The following FRMPD4 variants were observed in gnomAD, a reference collection of about 807,000 sequenced individuals.
FRMPD4 encodes the protein FERM and PDZ domain containing 4, also known as FERM and PDZ domain-containing protein 4.
A neutral mutation model predicts 94.1 loss-of-function variants in FRMPD4; 22 were observed. The observed-to-expected ratio is 0.23, with a 90% CI of 0.17 to 0.33. The LOEUF (loss-of-function observed/expected upper bound fraction) is 0.33. Among genes scored for constraint, FRMPD4 ranks in the 10% least tolerant of loss-of-function variants. FRMPD4 has a pLI of 1.00. For missense variants in FRMPD4, 1,111 were observed against 1,339.9 expected (o/e 0.83, Z 2.67); for synonymous variants, 631 against 548.6 (o/e 1.15, Z -2.10).
At chrX:12,186,468 A>G (rs1015448150) in intron 1 of FRMPD4, among the ~76,000 whole-genome samples, 2 of 111,550 alleles carry the variant, frequency 1.8e-5, no homozygotes, top group African/African-American at 6.5e-5. Flanking sequence ...TGTTGTTTCT[A>G]TTTTACTTAT....
intron 2 of FRMPD4, among the ~76,000 whole-genome samples, chrX:11,866,597 G>A (rs1223773803): frequency 8.9e-6 from 1 of 111,792 alleles, no homozygotes; most frequent in Non-Finnish European, 1.9e-5. Flanking sequence ...GTATAGATGT[G>A]TGTCTGTATA....
In FRMPD4 at chrX:12,675,840, A is replaced by T. The variant is rs186644681; in HGVS notation, c.468+932A>T. On this transcript the variant is annotated intron_variant, in intron 5 of 16. Transcript: ENST00000675598. ...ATAGAGTTGGAGCATTTCTATATCA[A>T]TTAAAGTGCTCTGGTATTTGCTGAT... Among the ~76,000 whole-genome samples, 487 of 111,206 alleles carry T rather than the reference A, an allele frequency of 4.4e-3. 4 individuals are homozygous for T. Among genetic ancestry groups the T allele is most frequent in the African/African-American group, 0.014 (438 of 30,574 alleles).
At chrX:12,066,688 A>G (rs2054922386) in intron 3 of FRMPD4, among the ~76,000 whole-genome samples, 1 of 109,879 alleles carries the variant, frequency 9.1e-6, no homozygotes, top group Admixed American at 9.7e-5. Context: ...AGTTCCCCAA[A>G]TAATGTTTTA....
intron 1 of FRMPD4, among the ~76,000 whole-genome samples, chrX:12,350,914 G>A (rs745658976): frequency 4.4e-5 from 5 of 112,449 alleles, no homozygotes; most frequent in Non-Finnish European, 7.5e-5. Flanking sequence ...AGTGGCTCAC[G>A]CCTGTAATCC....
intron 1 of FRMPD4, among the ~76,000 whole-genome samples, chrX:11,824,983 C>T (rs2053433414): frequency 9.1e-6 from 1 of 109,613 alleles, no homozygotes; most frequent in Admixed American, 9.7e-5. Context: ...TTAAAAATAG[C>T]ACTGGGAAAC....
At chrX:12,542,319 T>C (rs1206737965) in intron 2 of FRMPD4, among the ~76,000 whole-genome samples, 1 of 112,209 alleles carries the variant, frequency 8.9e-6, no homozygotes, top group Non-Finnish European at 1.9e-5. Flanking sequence ...GCAGATTACA[T>C]GATTGTATAT....
intron 1 of FRMPD4, among the ~76,000 whole-genome samples, chrX:12,194,800 A>G (rs2897762): frequency 0.073 from 8,137 of 111,499 alleles, 901 homozygotes; most frequent in East Asian, 0.61. Flanking sequence ...CTCTATTCCT[A>G]GCTGATAGCA....
chrX:12,406,774 G>GT (rs2056671779), intron 1 of FRMPD4, among the ~76,000 whole-genome samples: 1 of 112,060 alleles, frequency 8.9e-6, no homozygotes, highest in South Asian at 3.7e-4. Flanking sequence ...CTCAAGTGTG[G>GT]TGCAAATAAG....
intron 1 of FRMPD4, among the ~76,000 whole-genome samples, chrX:12,162,916 C>T (rs1294492948): frequency 9.0e-6 from 1 of 111,718 alleles, no homozygotes; most frequent in Non-Finnish European, 1.9e-5. Flanking sequence ...CCAGCTGTTA[C>T]AGTCTTCACC....
chrX:11,956,439 G>T (rs1019418601), intron 3 of FRMPD4, among the ~76,000 whole-genome samples: 2 of 112,097 alleles, frequency 1.8e-5, no homozygotes, highest in Non-Finnish European at 3.8e-5. Context: ...CTATTCTAAT[G>T]TAAGAAAGCC....
intron 1 of FRMPD4, among the ~76,000 whole-genome samples, chrX:11,835,308 G>C (rs1251790498): frequency 8.9e-6 from 1 of 112,009 alleles, no homozygotes; most frequent in Non-Finnish European, 1.9e-5. Flanking sequence ...CTGGGAGCCT[G>C]TTACTGTCAT....
chrX:12,222,779 A>C (rs758045913), intron 1 of FRMPD4, among the ~76,000 whole-genome samples: 1 of 112,027 alleles, frequency 8.9e-6, no homozygotes, highest in Non-Finnish European at 1.9e-5. Context: ...TTCTTAGTGT[A>C]TTGTTCTTGA....
At chrX:12,517,019 T>C (rs1299262446) in intron 2 of FRMPD4, among the ~76,000 whole-genome samples, 8 of 109,157 alleles carry the variant, frequency 7.3e-5, no homozygotes, top group Admixed American at 3.0e-4. Context: ...TGTGGTTGCA[T>C]TGTGAAGTTC....
chrX:12,352,367 C>T (rs1314246789), intron 1 of FRMPD4, among the ~76,000 whole-genome samples: 2 of 112,098 alleles, frequency 1.8e-5, no homozygotes, highest in African/African-American at 3.2e-5. Context: ...CAAAATATCT[C>T]GACTCACATG....
At chrX:12,439,798 T>C (rs908699074) in intron 1 of FRMPD4, among the ~76,000 whole-genome samples, 18 of 112,023 alleles carry the variant, frequency 1.6e-4, no homozygotes, top group African/African-American at 5.8e-4. Context: ...GCATTGTTTG[T>C]TAAAATGCCG....
chrX:12,575,553 C>G (rs1424376267), intron 2 of FRMPD4, among the ~76,000 whole-genome samples: 1 of 111,117 alleles, frequency 9.0e-6, no homozygotes, highest in Non-Finnish European at 1.9e-5. Context: ...GAATGATAGC[C>G]CTCCAAAGAT....
intron 3 of FRMPD4, among the ~76,000 whole-genome samples, chrX:11,934,543 G>A (rs1009112964): frequency 2.7e-5 from 3 of 112,072 alleles, no homozygotes; most frequent in African/African-American, 9.7e-5. Context: ...GCATTTTGGG[G>A]AGCAATTCCA....
intron 1 of FRMPD4, among the ~76,000 whole-genome samples, chrX:12,206,242 C>T (rs920539517): frequency 5.4e-5 from 6 of 112,134 alleles, no homozygotes; most frequent in Non-Finnish European, 9.4e-5. Flanking sequence ...AAACACTAAG[C>T]AAAGGGCCTA....
intron 3 of FRMPD4, among the ~76,000 whole-genome samples, chrX:12,127,970 G>T (rs140512760): frequency 2.7e-5 from 3 of 112,933 alleles, no homozygotes; most frequent in African/African-American, 9.6e-5. Context: ...CAAGATGTGG[G>T]CTCACAAGAC....
Sources: gnomAD v4.1 joint callset for allele counts (sites outside exome capture counted in the v4.1 genomes callset) on GRCh38, gnomAD v4.1.1 for gene constraint, MANE v1.5 for transcripts, NCBI Gene and HGNC (gene_info 2026-07-23, HGNC 2026-07-21) for gene names.